The following LAMA2 variants were observed in gnomAD, a reference collection of about 807,000 sequenced individuals.
LAMA2 encodes the protein laminin subunit alpha 2, also known as laminin subunit alpha-2.
LAMA2 carries 269 observed loss-of-function variants against 364.8 expected under a neutral mutation model. That is an observed-to-expected ratio of 0.74 (90% confidence interval 0.67 to 0.82). The LOEUF (loss-of-function observed/expected upper bound fraction) is 0.82. Among genes scored for constraint, LAMA2 ranks in the 40% least tolerant of loss-of-function variants. The pLI is 0.00. For missense variants in LAMA2, 3,807 were observed against 3,873.2 expected (o/e 0.98, Z 0.45); for synonymous variants, 1,379 against 1,370.6 (o/e 1.01, Z -0.14).
chr6:129,183,766 AC>A (rs996962382), intron 10 of LAMA2, among the ~76,000 whole-genome samples: 5 of 151,332 alleles, frequency 3.3e-5, no homozygotes, highest in African/African-American at 1.2e-4. Flanking sequence ...CACTTTTCAA[AC>A]CTTTTTCTTT....
chr6:129,328,182 GA>G, intron 28 of LAMA2, 95 bp from the exon 29 acceptor site: 1 of 1,064,726 alleles, frequency 9.4e-7, no homozygotes, highest in Non-Finnish European at 1.5e-6. Flanking sequence ...GCAGGTGGGG[GA>G]AGGCCAGTCT....
At chr6:129,067,705 A>T (rs1356422825) in intron 3 of LAMA2, among the ~76,000 whole-genome samples, 2 of 152,072 alleles carry the variant, frequency 1.3e-5, no homozygotes, top group Non-Finnish European at 2.9e-5. Context: ...GCCTCATCTG[A>T]TCTCTCTTCC....
intron 1 of LAMA2, among the ~76,000 whole-genome samples, chr6:128,975,139 A>G (rs1215700788): frequency 1.3e-5 from 2 of 152,214 alleles, no homozygotes; most frequent in African/African-American, 4.8e-5. Flanking sequence ...GGCCTGAGCC[A>G]TCGCGCCTGG....
intron 1 of LAMA2, among the ~76,000 whole-genome samples, chr6:128,975,901 A>G (rs1782500676): frequency 6.6e-6 from 1 of 152,162 alleles, no homozygotes; most frequent in African/African-American, 2.4e-5. Flanking sequence ...AATACAAGGC[A>G]TTAGAGGGAA....
intron 12 of LAMA2, among the ~76,000 whole-genome samples, chr6:129,205,406 AAAAAG>A (rs1292765636): frequency 6.6e-6 from 1 of 151,054 alleles, no homozygotes; most frequent in Non-Finnish European, 1.5e-5. Context: ...AAAAAAAAGA[AAAAAG>A]AAAAAAAAAT....
intron 40 of LAMA2, 111 bp downstream of exon 40, chr6:129,404,070 T>C (rs1437968414): frequency 1.7e-6 from 2 of 1,185,014 alleles, no homozygotes; most frequent in African/African-American, 3.1e-5. Flanking sequence ...TTTTGGGTTA[T>C]TTTTGAAGAC....
At chr6:129,351,494 T>C (rs1457014788) in intron 31 of LAMA2, among the ~76,000 whole-genome samples, 1 of 152,182 alleles carries the variant, frequency 6.6e-6, no homozygotes, top group Non-Finnish European at 1.5e-5. Flanking sequence ...GATCAGGTTA[T>C]ATTTCTCTGA....
intron 47 of LAMA2, among the ~76,000 whole-genome samples, chr6:129,455,188 T>C (rs1408786224): frequency 1.3e-5 from 2 of 151,984 alleles, no homozygotes; most frequent in Non-Finnish European, 2.9e-5. Flanking sequence ...ATGATGATCA[T>C]GCCTGTGAAT....
In LAMA2 at chr6:129,162,638, T is replaced by G. The variant is rs114055539; in HGVS notation, c.1207-2938T>G. ...GGCACCATTATTTTCTGGATTTCAT[T>G]CATCCTTATGACAACATAGCCATTA... On this transcript the variant is annotated intron_variant, in intron 8 of 64. Transcript: ENST00000421865. 9.6e-3 allele frequency among the ~76,000 whole-genome samples: 1,458 copies of G among 152,272 alleles called. 21 individuals are homozygous for G. Among genetic ancestry groups the G allele is most frequent in the African/African-American group, 0.033 (1,384 of 41,566 alleles).
intron 2 of LAMA2, among the ~76,000 whole-genome samples, chr6:129,054,620 A>G (rs1039654117): frequency 6.6e-6 from 1 of 150,888 alleles, no homozygotes; most frequent in South Asian, 2.1e-4. Flanking sequence ...AGGTATATAC[A>G]TATACTTATG....
At chr6:129,297,931 A>T (rs145270426) in intron 21 of LAMA2, 66 bp downstream of exon 21, 13 of 1,371,784 alleles carry the variant, frequency 9.5e-6, no homozygotes, top group Middle Eastern at 1.8e-4. Flanking sequence ...CTTCTGTAAC[A>T]GTTTGTTCTT....
At chr6:129,295,517 T>C (rs1402437445) in intron 20 of LAMA2, among the ~76,000 whole-genome samples, 1 of 152,242 alleles carries the variant, frequency 6.6e-6, no homozygotes, top group Non-Finnish European at 1.5e-5. Context: ...TTGAACAAAT[T>C]TGTAAACATT....
chr6:128,924,018 G>T (rs1229996711), intron 1 of LAMA2, among the ~76,000 whole-genome samples: 1 of 152,108 alleles, frequency 6.6e-6, no homozygotes, highest in East Asian at 1.9e-4. Flanking sequence ...CCTCTTAACT[G>T]CAAGGGGCTG....
chr6:129,033,254 T>C (rs1786366168), intron 1 of LAMA2, among the ~76,000 whole-genome samples: 1 of 151,478 alleles, frequency 6.6e-6, no homozygotes, highest in Non-Finnish European at 1.5e-5. Context: ...TAAATGAATG[T>C]GACTTTTCTG....
intron 1 of LAMA2, among the ~76,000 whole-genome samples, chr6:128,943,391 C>A (rs1251099792): frequency 6.6e-6 from 1 of 151,976 alleles, no homozygotes; most frequent in East Asian, 1.9e-4. Context: ...TCAAGCAATT[C>A]TCATGCCTCA....
chr6:129,078,221 G>C (rs542479627), intron 3 of LAMA2, among the ~76,000 whole-genome samples: 67 of 151,474 alleles, frequency 4.4e-4, no homozygotes, highest in African/African-American at 1.6e-3. Flanking sequence ...TGCAGCCTCC[G>C]CCTCTAGCAT....
At chr6:129,358,072 TA>T in intron 32 of LAMA2, among the ~76,000 whole-genome samples, 1 of 152,028 alleles carries the variant, frequency 6.6e-6, no homozygotes, top group African/African-American at 2.4e-5. Context: ...TTCTGTAGTC[TA>T]AGCTGTGTCA....
intron 55 of LAMA2, among the ~76,000 whole-genome samples, chr6:129,483,479 T>G (rs920374282): frequency 6.6e-6 from 1 of 152,174 alleles, no homozygotes; most frequent in Non-Finnish European, 1.5e-5. Context: ...ACCAAAGTAT[T>G]TCTCAATGAT....
intron 12 of LAMA2, among the ~76,000 whole-genome samples, chr6:129,228,942 C>A (rs1784503454): frequency 6.6e-6 from 1 of 152,084 alleles, no homozygotes; most frequent in African/African-American, 2.4e-5. Context: ...TGATGCTCCT[C>A]TTATGTATTC....
Sources: gnomAD v4.1 joint callset for allele counts (sites outside exome capture counted in the v4.1 genomes callset) on GRCh38, gnomAD v4.1.1 for gene constraint, MANE v1.5 for transcripts, NCBI Gene and HGNC (gene_info 2026-07-23, HGNC 2026-07-21) for gene names.